CHCHD3: variants seen among roughly 807,000 people sequenced by gnomAD.
CHCHD3 encodes coiled-coil-helix-coiled-coil-helix domain containing 3, also known as MICOS complex subunit MIC19.
A neutral mutation model predicts 38.2 loss-of-function variants in CHCHD3; 20 were observed. The observed-to-expected ratio is 0.52, with a 90% confidence interval of 0.37 to 0.76. The LOEUF (loss-of-function observed/expected upper bound fraction) is 0.76, where lower values mean the gene tolerates loss of function less well. Ranked by LOEUF, CHCHD3 falls within the 30% of genes least tolerant of loss-of-function variation. The probability of loss-of-function intolerance (pLI) is 0.00; values close to 1 mark genes in which losing one functional copy is unlikely to be tolerated. For synonymous variants in CHCHD3, 82 were observed against 100.0 expected (o/e 0.82, Z 1.07); for missense variants, 245 against 279.2 (o/e 0.88, Z 0.87).
intron 4 of CHCHD3, among the ~76,000 whole-genome samples, chr7:132,919,097 A>ATTTTTTTTTT (rs1585637830): frequency 3.2e-5 from 2 of 62,054 alleles, no homozygotes; most frequent in East Asian, 5.9e-4. Flanking sequence ...AGTTGGGTTT[A>ATTTTTTTTTT]TTCTTTTTTT....
chr7:132,885,952 A>G (rs1809197150), intron 4 of CHCHD3, among the ~76,000 whole-genome samples: 1 of 152,164 alleles, frequency 6.6e-6, no homozygotes, highest in Non-Finnish European at 1.5e-5. Context: ...TTCCCGCTGT[A>G]ACAGCTGTGT....
At chr7:132,955,127 C>T (rs1387206558) in intron 4 of CHCHD3, among the ~76,000 whole-genome samples, 1 of 149,444 alleles carries the variant, frequency 6.7e-6, no homozygotes, top group Non-Finnish European at 1.5e-5. Flanking sequence ...TGGCAGGGCA[C>T]ATCACCAACA....
chr7:132,809,530 C>T (rs954086544), intron 6 of CHCHD3, among the ~76,000 whole-genome samples: 4 of 152,152 alleles, frequency 2.6e-5, no homozygotes, highest in South Asian at 4.1e-4. Flanking sequence ...CCTCCACCTA[C>T]CAAAGCTAAT....
intron 3 of CHCHD3, among the ~76,000 whole-genome samples, chr7:132,998,203 C>G (rs2117385591): frequency 6.6e-6 from 1 of 152,306 alleles, no homozygotes; most frequent in African/African-American, 2.4e-5. Context: ...TGTTAATGTA[C>G]TTTGACAGAG....
chr7:132,845,446 G>T (rs1808054343), intron 5 of CHCHD3, among the ~76,000 whole-genome samples: 1 of 152,106 alleles, frequency 6.6e-6, no homozygotes, highest in Non-Finnish European at 1.5e-5. Flanking sequence ...CTGCTTACCT[G>T]TTCTGTTTTT....
chr7:132,935,792 A>C (rs893616784), intron 4 of CHCHD3, among the ~76,000 whole-genome samples: 4 of 152,192 alleles, frequency 2.6e-5, no homozygotes, highest in African/African-American at 4.8e-5. Flanking sequence ...GTAATTTGTA[A>C]AGAAAAGAAG....
intron 7 of CHCHD3, among the ~76,000 whole-genome samples, 190 bp downstream of exon 7, chr7:132,796,252 T>C (rs985072274): frequency 3.3e-5 from 5 of 152,230 alleles, no homozygotes; most frequent in African/African-American, 4.8e-5. Context: ...ATAAGGAAGA[T>C]ATGGGCTCTT....
chr7:133,044,105 A>C (rs1203254778), intron 2 of CHCHD3, among the ~76,000 whole-genome samples: 1 of 152,222 alleles, frequency 6.6e-6, no homozygotes, highest in African/African-American at 2.4e-5. Flanking sequence ...AACTATGTAA[A>C]TGTCTAATCA....
intron 5 of CHCHD3, among the ~76,000 whole-genome samples, chr7:132,864,796 T>A (rs951061143): frequency 6.6e-6 from 1 of 152,200 alleles, no homozygotes; most frequent in Admixed American, 6.5e-5. Flanking sequence ...GGCAATATGA[T>A]GAACCTGGAT....
intron 2 of CHCHD3, among the ~76,000 whole-genome samples, chr7:133,051,723 C>A (rs762096579): frequency 6.6e-6 from 1 of 152,162 alleles, no homozygotes. Flanking sequence ...AGACAATTCT[C>A]ATTTATAAAT....
intron 3 of CHCHD3, among the ~76,000 whole-genome samples, chr7:133,011,476 T>C (rs945475363): frequency 2.6e-5 from 4 of 152,176 alleles, no homozygotes; most frequent in Admixed American, 6.5e-5. Context: ...GAACAATTCT[T>C]TGTTGTAGAG....
At chr7:132,962,065 G>A (rs1811332804) in intron 4 of CHCHD3, among the ~76,000 whole-genome samples, 1 of 152,256 alleles carries the variant, frequency 6.6e-6, no homozygotes, top group South Asian at 2.1e-4. Context: ...CTCTCATGTT[G>A]ACACTTTCAA....
At chr7:132,817,803 G>A (rs985458473) in intron 6 of CHCHD3, among the ~76,000 whole-genome samples, 2 of 151,764 alleles carry the variant, frequency 1.3e-5, no homozygotes, top group African/African-American at 4.8e-5. Context: ...TGACCCAGGA[G>A]GTCCACTTGA....
chr7:133,081,483 A>G (rs1815169513), intron 1 of CHCHD3, among the ~76,000 whole-genome samples: 1 of 152,176 alleles, frequency 6.6e-6, no homozygotes, highest in African/African-American at 2.4e-5. Flanking sequence ...TGCACAGTGG[A>G]AAAGCAGGGT....
At chr7:132,928,235 C>T (rs190774732) in intron 4 of CHCHD3, among the ~76,000 whole-genome samples, 13 of 152,094 alleles carry the variant, frequency 8.5e-5, no homozygotes, top group South Asian at 2.1e-4. Flanking sequence ...CCTGGGTGAA[C>T]GCTGAAGTTA....
chr7:132,975,189 G>T lies in CHCHD3; in HGVS notation c.349C>A (p.Arg117Ser), dbSNP rs144725283. ...LRERICSEEE[R>S]AKAKHLARQL... ...CTCACCAGGTGCTTTGCCTTAGCGC[G>T]TTCCTCCTCGCTACATATCCTCTCC... is the stretch of plus-strand genomic sequence containing the variant. The change falls in exon 4 of 8, where the codon CGC (arginine) becomes AGC (serine). Residue 117 changes from arginine (R) to serine (S), a missense_variant. Physicochemically the swap from Arg to Ser is moderately radical, Grantham distance 110. Transcript: ENST00000262570. 1.9e-6 allele frequency: 3 copies of T among 1,612,062 alleles called. No individual in the cohort carries two copies. Among genetic ancestry groups the T allele is most frequent in the Non-Finnish European group, 2.5e-6 (3 of 1,179,852 alleles).
chr7:132,852,472 CCA>C (rs1186580886), intron 5 of CHCHD3, among the ~76,000 whole-genome samples: 1 of 152,102 alleles, frequency 6.6e-6, no homozygotes, highest in Non-Finnish European at 1.5e-5. Flanking sequence ...TTTGTAAGGT[CCA>C]TCCTATTGAC....
chr7:132,899,103 G>A (rs146369357), intron 4 of CHCHD3, among the ~76,000 whole-genome samples: 3,184 of 152,372 alleles, frequency 0.021, 57 homozygotes, highest in Non-Finnish European at 0.035. Context: ...CAAACTGGGA[G>A]CCCAGGCAGA....
At position 132,820,184 on chromosome 7, in the gene CHCHD3, C is replaced by T. The variant is rs114645518; in HGVS notation, c.524+18215G>A. Among the ~76,000 whole-genome samples the T allele has an allele frequency of 6.6e-3, 999 of 152,216 alleles. 10 individuals carry two copies. The highest frequency in any genetic ancestry group is 0.023 in the African/African-American group (971 of 41,536). On this transcript the variant is annotated intron_variant, in intron 6 of 7. Transcript: ENST00000262570. ...ACTTATCACCACAAATCAGGATCATCGTAACACTCAACCAAACACATAACT... is the reference window on the plus strand; with the variant it reads ...ACTTATCACCACAAATCAGGATCATTGTAACACTCAACCAAACACATAACT...
Sources: gnomAD v4.1 joint callset for allele counts (sites outside exome capture counted in the v4.1 genomes callset) on GRCh38, gnomAD v4.1.1 for gene constraint, MANE v1.5 for transcripts, NCBI Gene and HGNC (gene_info 2026-07-23, HGNC 2026-07-21) for gene names.